Variants in ANKRD27 observed in about 807,000 individuals in gnomAD.
The protein encoded by ANKRD27 is ankyrin repeat domain-containing protein 27.
In ANKRD27, 112 loss-of-function variants were observed where a neutral mutation model predicts 129.7. The observed-to-expected ratio is 0.86, with a 90% CI of 0.74 to 1.01. The LOEUF (loss-of-function observed/expected upper bound fraction) is 1.01. Ranked by LOEUF, ANKRD27 falls within the 50% of genes least tolerant of loss-of-function variation. ANKRD27 has a pLI of 0.00. For synonymous variants in ANKRD27, 516 were observed against 511.2 expected, an observed-to-expected ratio of 1.01 and a Z score of -0.13; for missense variants, 1,258 against 1,300.5, an observed-to-expected ratio of 0.97 and a Z score of 0.50.
intron 22 of ANKRD27, among the ~76,000 whole-genome samples, chr19:32,615,283 G>A (rs574713424): frequency 2.0e-5 from 3 of 152,262 alleles, no homozygotes; most frequent in Non-Finnish European, 4.4e-5. Flanking sequence ...CTTTCCTGAG[G>A]GAAAAAGGAA....
intron 12 of ANKRD27, among the ~76,000 whole-genome samples, chr19:32,635,118 G>A (rs974670108): frequency 5.9e-5 from 9 of 152,286 alleles, no homozygotes; most frequent in South Asian, 4.1e-4. Flanking sequence ...AGACAGCCAC[G>A]CTACAGGGAG....
At chr19:32,616,908 G>A (rs1024154758) in intron 21 of ANKRD27, among the ~76,000 whole-genome samples, 3 of 152,014 alleles carry the variant, frequency 2.0e-5, no homozygotes, top group African/African-American at 7.2e-5. Context: ...TCCCCAAGAC[G>A]CTGCCCTCTC....
In ANKRD27 at chr19:32,616,800, G is replaced by A. The variant is rs527294209; in HGVS notation, c.2052+789C>T. Among the ~76,000 whole-genome samples, 11 of 152,252 alleles carry A rather than the reference G, an allele frequency of 7.2e-5. No homozygotes were observed. The East Asian group carries it at 2.1e-3, about 29-fold the overall frequency. The stretch of plus-strand genomic sequence containing the variant: ...TGACTCCTCAGAGCCTCAAGCCTCA[G>A]GCCCCCTCTCGTGGCCCAGGAGTCC... On this transcript the variant is annotated intron_variant, in intron 21 of 28. Transcript: ENST00000306065.
At position 32,599,625 on chromosome 19, in the gene ANKRD27, A is replaced by C. The variant is rs865838734; in HGVS notation, c.2919+79T>G. 50 of 1,255,988 alleles carry C rather than the reference A, an allele frequency of 4.0e-5. No individual in the cohort carries two copies. In the South Asian group the frequency reaches 6.4e-4, roughly 16 times the overall value. The allele number at this position is 1,255,988 out of a possible 1,614,324, so 77.8% of individuals were successfully genotyped here. The stretch of plus-strand genomic sequence containing the variant: ...GGAATAATGAAGATGACGATCAAGG[A>C]GACGTGTTTACCATGGATTACTTTT... On this transcript the variant is annotated intron_variant, in intron 28 of 28. Transcript: ENST00000306065.
chr19:32,668,972 A>G (rs1967814298), intron 1 of ANKRD27, among the ~76,000 whole-genome samples: 1 of 151,926 alleles, frequency 6.6e-6, no homozygotes, highest in African/African-American at 2.4e-5. Context: ...AATAAGAGCC[A>G]TTCATTCATT....
rs550337060 is a variant in ANKRD27, at chr19:32,623,413, A to G, written c.1630-794T>C. Among the ~76,000 whole-genome samples the G allele has an allele frequency of 9.8e-5, 15 of 152,296 alleles. No homozygotes were observed. In the South Asian group the frequency reaches 2.7e-3, roughly 27 times the overall value. ...TACATGCTGTCCAGAAGGTGCTTAC[A>G]GGACTAGCCTTCATTAACTCTTGGG... On this transcript the variant is annotated intron_variant, in intron 17 of 28. Transcript: ENST00000306065.
At chr19:32,641,985 G>T in intron 10 of ANKRD27, 39 bp downstream of exon 10, 1 of 1,513,238 alleles carries the variant, frequency 6.6e-7, no homozygotes, top group Non-Finnish European at 8.9e-7. Context: ...TCTGGATGTA[G>T]CATCTACCCC....
chr19:32,628,122 C>A lies in ANKRD27; in HGVS notation c.1381G>T (p.Asp461Tyr), dbSNP rs747385599. Residue 461 changes from aspartate to tyrosine, a missense_variant, in exon 15 of 29, where the codon GAC (aspartate) becomes TAC (tyrosine). Coordinates refer to ENST00000306065, the MANE Select transcript of ANKRD27 (RefSeq NM_032139.3). ...PSVVTPFSRD[D>Y]RGHTPLHVAA... ...ACATGGAGAGGGGTGTGCCCCCTGTCGTCTCTGGAGAATGGAGTGACAACT... is the reference window on the plus strand; with the variant it reads ...ACATGGAGAGGGGTGTGCCCCCTGTAGTCTCTGGAGAATGGAGTGACAACT... 9 of 1,614,226 alleles carry A rather than the reference C, an allele frequency of 5.6e-6. No individual in the cohort carries two copies. Among genetic ancestry groups the A allele is most frequent in the South Asian group, 1.1e-5 (1 of 91,086 alleles).
chr19:32,600,228 A>C, intron 26 of ANKRD27, 178 bp from the exon 27 acceptor site: 1 of 501,070 alleles, frequency 2.0e-6, no homozygotes, highest in Admixed American at 3.3e-5. Flanking sequence ...AGTATCTCCA[A>C]TCCAAAAATC....
In ANKRD27 at chr19:32,602,084, C is replaced by T. The variant is rs752489962; in HGVS notation, c.2698G>A (p.Val900Ile). ...TCAGCCACATCATCTAATGAAGCAACACAGCTTGGTACCACCTGAAGCAAT... is the reference window on the plus strand; with the variant it reads ...TCAGCCACATCATCTAATGAAGCAATACAGCTTGGTACCACCTGAAGCAAT... ...MELLQVVPSC[V>I]ASLDDVAETD... The change falls in exon 26 of 29, where the codon GTT becomes ATT. Residue 900 changes from valine (V) to isoleucine (I), a missense_variant. Coordinates refer to ENST00000306065, the MANE Select transcript of ANKRD27 (RefSeq NM_032139.3). 2.9e-5 allele frequency: 47 copies of T among 1,614,014 alleles called. No individual in the cohort carries two copies. Among genetic ancestry groups the T allele is most frequent in the Non-Finnish European group, 3.9e-5 (46 of 1,179,936 alleles).
At chr19:32,635,489 G>A (rs1000562452) in intron 12 of ANKRD27, among the ~76,000 whole-genome samples, 2 of 152,024 alleles carry the variant, frequency 1.3e-5, no homozygotes, top group African/African-American at 4.8e-5. Context: ...TTTATTTGTA[G>A]AGACAAGGTC....
chr19:32,604,516 A>G (rs1971701577), intron 24 of ANKRD27, 92 bp from the exon 25 acceptor site: 4 of 1,263,074 alleles, frequency 3.2e-6, no homozygotes, highest in Middle Eastern at 2.0e-4. Flanking sequence ...TATAAAACAC[A>G]TTGTTTTTTT....
At chr19:32,651,328 G>A (rs1012752240) in intron 2 of ANKRD27, among the ~76,000 whole-genome samples, 1 of 152,102 alleles carries the variant, frequency 6.6e-6, no homozygotes, top group Non-Finnish European at 1.5e-5. Context: ...CCCATTCAAG[G>A]AAGGGCCGTG....
intron 3 of ANKRD27, among the ~76,000 whole-genome samples, chr19:32,649,299 A>G (rs767133932): frequency 1.3e-5 from 2 of 152,182 alleles, no homozygotes. Context: ...AAAAACTAAA[A>G]TATTCATCCC....
rs773292132 is a variant in ANKRD27 at position 32,605,969 on chromosome 19, G to A, written c.2374-15C>T. 121 of 1,608,314 alleles carry A rather than the reference G, an allele frequency of 7.5e-5. 1 individual carries two copies. The highest frequency in any genetic ancestry group is 4.2e-6 in the Non-Finnish European group (5 of 1,177,282). On this transcript the variant is annotated splice_polypyrimidine_tract_variant and intron_variant, in intron 23 of 28. Transcript: ENST00000306065. ...CACTTCACCACCTGGGCCAGAGAAG[G>A]AAAACGTGCAAACTTAATCAAAATT...
chr19:32,613,474 G>A (rs1323832480), intron 22 of ANKRD27, among the ~76,000 whole-genome samples: 6 of 152,082 alleles, frequency 3.9e-5, no homozygotes, highest in Non-Finnish European at 7.4e-5. Flanking sequence ...TGTTCTTACC[G>A]AAACGTCTAC....
At position 32,598,585 on chromosome 19, in the gene ANKRD27, ATCTT is replaced by A. The variant is rs1403066136; in HGVS notation, c.2920-211_2920-208del. Among the ~76,000 whole-genome samples, 3 of 152,262 alleles carry A rather than the reference ATCTT, an allele frequency of 2.0e-5. No individual in the cohort carries two copies. In the East Asian group the frequency reaches 5.8e-4, roughly 29 times the overall value. On this transcript the variant is annotated intron_variant, in intron 28 of 28. Transcript: ENST00000306065. ...AGTAAATGTTTCACTTGTTTTCACA[ATCTT>A]TATGACTCTAGGAGGCATGTACTAC...
chr19:32,664,933 A>AC (rs1362105720), intron 1 of ANKRD27, among the ~76,000 whole-genome samples: 11 of 140,924 alleles, frequency 7.8e-5, no homozygotes, highest in Admixed American at 7.2e-4. Context: ...AAAAAAAAAA[A>AC]AAAAAACTGT....
At chr19:32,602,203 T>C in intron 25 of ANKRD27, 77 bp from the exon 26 acceptor site, 1 of 960,206 alleles carries the variant, frequency 1.0e-6, no homozygotes, top group Non-Finnish European at 1.6e-6. Context: ...TTGATCTAAA[T>C]GTCAGTATTA....
Sources: allele counts gnomAD v4.1 joint callset (sites outside exome capture counted in the v4.1 genomes callset), GRCh38; gene constraint gnomAD v4.1.1; transcripts MANE v1.5; gene names NCBI Gene and HGNC (gene_info 2026-07-23, HGNC 2026-07-21).